The following CNTN6 variants were observed in gnomAD, a reference collection of about 807,000 sequenced individuals.
The protein encoded by CNTN6 is contactin-6.
In CNTN6, 137 loss-of-function variants were observed where a neutral mutation model predicts 122.8. That is an observed-to-expected ratio of 1.12 (90% CI 0.97 to 1.29). CNTN6 has a LOEUF of 1.29. Ranked by LOEUF, CNTN6 falls within the 50% of genes most tolerant of loss-of-function variation. The pLI, the probability that CNTN6 is intolerant of heterozygous loss-of-function variation, is 0.00. For missense variants in CNTN6, 1,634 were observed against 1,223.4 expected (o/e 1.34, Z -5.01); for synonymous variants, 570 against 426.0 (o/e 1.34, Z -4.16).
rs557815382 is a variant in CNTN6, at chr3:1,298,928, G to T, written c.761+937G>T. Among the ~76,000 whole-genome samples the T allele has an allele frequency of 2.1e-4, 32 of 152,228 alleles. 1 individual carries two copies. In the East Asian group the frequency reaches 4.6e-3, roughly 22 times the overall value. On this transcript the variant is annotated intron_variant, in intron 7 of 22. Coordinates refer to ENST00000446702, the MANE Select transcript of CNTN6 (RefSeq NM_001289080.2). Reference sequence around the variant, plus strand: ...ATTCCTAATGTGGCCCTCACATTTAGAAATAGTGACTTAGTCTCCAAATTC... The same window carrying T: ...ATTCCTAATGTGGCCCTCACATTTATAAATAGTGACTTAGTCTCCAAATTC...
intron 2 of CNTN6, among the ~76,000 whole-genome samples, chr3:1,190,644 GA>G (rs1269029754): frequency 6.6e-6 from 1 of 152,056 alleles, no homozygotes; most frequent in Non-Finnish European, 1.5e-5. Flanking sequence ...TCTACAGAAA[GA>G]AAAAAAGCTG....
At chr3:1,386,408 TTATATCCCCTGA>T (rs1483583714) in intron 20 of CNTN6, among the ~76,000 whole-genome samples, 2 of 152,202 alleles carry the variant, frequency 1.3e-5, no homozygotes, top group Non-Finnish European at 2.9e-5. Context: ...CTGTTTTGTC[TTATATCCCCTGA>T]TAATCAGCCA....
chr3:1,099,179 C>T (rs962870168), intron 1 of CNTN6, among the ~76,000 whole-genome samples: 1 of 152,132 alleles, frequency 6.6e-6, no homozygotes, highest in East Asian at 1.9e-4. Context: ...TCGCCGGGCT[C>T]AGTGGCTCAC....
chr3:1,391,877 T>A (rs1308036819), intron 20 of CNTN6, among the ~76,000 whole-genome samples: 2 of 152,096 alleles, frequency 1.3e-5, no homozygotes, highest in African/African-American at 4.8e-5. Context: ...CAAGGAGAAC[T>A]GCAAACCACT....
intron 4 of CNTN6, among the ~76,000 whole-genome samples, chr3:1,254,178 C>T (rs925196221): frequency 9.9e-5 from 15 of 152,076 alleles, no homozygotes; most frequent in Non-Finnish European, 1.9e-4. Context: ...TGCCAATTTT[C>T]ATCTCGTGCT....
intron 16 of CNTN6, among the ~76,000 whole-genome samples, chr3:1,375,970 T>C (rs540996725): frequency 6.6e-6 from 1 of 152,132 alleles, no homozygotes; most frequent in African/African-American, 2.4e-5. Context: ...AAATGAGGAA[T>C]TAAAACTTAC....
chr3:1,254,419 A>C (rs932427792), intron 4 of CNTN6, among the ~76,000 whole-genome samples: 4 of 152,216 alleles, frequency 2.6e-5, no homozygotes, highest in Non-Finnish European at 5.9e-5. Context: ...TTAATGAAAG[A>C]AGTTTACTTC....
intron 2 of CNTN6, among the ~76,000 whole-genome samples, chr3:1,189,654 G>A (rs771381225): frequency 1.3e-5 from 2 of 152,010 alleles, no homozygotes; most frequent in Non-Finnish European, 2.9e-5. Flanking sequence ...CCTTCATGTC[G>A]ACTCCATTTC....
chr3:1,284,009 A>G (rs1693927456), intron 5 of CNTN6, among the ~76,000 whole-genome samples: 2 of 152,104 alleles, frequency 1.3e-5, no homozygotes, highest in South Asian at 4.2e-4. Flanking sequence ...CAAAAAGCAA[A>G]CAAACAAACA....
At chr3:1,218,186 G>A (rs976535472) in intron 2 of CNTN6, among the ~76,000 whole-genome samples, 5 of 152,058 alleles carry the variant, frequency 3.3e-5, no homozygotes, top group Non-Finnish European at 7.4e-5. Context: ...CATACCTGTG[G>A]TGGGGTGGCC....
At chr3:1,144,596 A>AAAAAT (rs530321307) in intron 1 of CNTN6, among the ~76,000 whole-genome samples, 1,852 of 115,534 alleles carry the variant, frequency 0.016, 37 homozygotes, top group African/African-American at 0.064. Flanking sequence ...AATAATAATA[A>AAAAAT]AAAATAAAAA....
chr3:1,334,484 T>G (rs908704775), intron 11 of CNTN6, among the ~76,000 whole-genome samples: 10 of 152,074 alleles, frequency 6.6e-5, no homozygotes, highest in African/African-American at 2.4e-4. Context: ...AGTGTCTGCT[T>G]GCACAGAGAT....
chr3:1,399,010 C>G (rs1015028190), intron 20 of CNTN6, among the ~76,000 whole-genome samples: 10 of 152,078 alleles, frequency 6.6e-5, no homozygotes, highest in Non-Finnish European at 1.2e-4. Context: ...TGGAAGAAAT[C>G]AATTCTGTCT....
At chr3:1,338,340 C>G (rs1269045865) in intron 11 of CNTN6, among the ~76,000 whole-genome samples, 1 of 152,088 alleles carries the variant, frequency 6.6e-6, no homozygotes, top group Non-Finnish European at 1.5e-5. Context: ...ATGCAGATCC[C>G]AGAGCCATGC....
chr3:1,250,513 C>T (rs187136707), intron 4 of CNTN6, among the ~76,000 whole-genome samples: 1 of 152,262 alleles, frequency 6.6e-6, no homozygotes, highest in African/African-American at 2.4e-5. Flanking sequence ...CACACATCCT[C>T]ACTCCCATAT....
At chr3:1,209,159 T>A (rs1194977041) in intron 2 of CNTN6, among the ~76,000 whole-genome samples, 1 of 152,188 alleles carries the variant, frequency 6.6e-6, no homozygotes, top group Non-Finnish European at 1.5e-5. Flanking sequence ...TAATGCTTAA[T>A]CTCAAATCAC....
At chr3:1,378,225 G>C (rs1232815822) in intron 17 of CNTN6, among the ~76,000 whole-genome samples, 1 of 152,102 alleles carries the variant, frequency 6.6e-6, no homozygotes. Context: ...TACCCACTTA[G>C]CATCTCTCTT....
chr3:1,287,982 GC>G (rs1694637329), intron 5 of CNTN6, among the ~76,000 whole-genome samples: 1 of 152,142 alleles, frequency 6.6e-6, no homozygotes, highest in Non-Finnish European at 1.5e-5. Flanking sequence ...TCATAAACTT[GC>G]TTTCACTTTA....
intron 2 of CNTN6, among the ~76,000 whole-genome samples, chr3:1,188,177 G>A (rs1353442214): frequency 6.6e-6 from 1 of 152,176 alleles, no homozygotes; most frequent in Non-Finnish European, 1.5e-5. Context: ...CTCAAGGGTA[G>A]AGAGGACTGA....
Sources: allele counts gnomAD v4.1 joint callset (sites outside exome capture counted in the v4.1 genomes callset), GRCh38; gene constraint gnomAD v4.1.1; transcripts MANE v1.5; gene names NCBI Gene and HGNC (gene_info 2026-07-23, HGNC 2026-07-21).